DNAH2: variants seen among roughly 807,000 people sequenced by gnomAD.
DNAH2 encodes the protein axonemal beta dynein heavy chain 2.
A neutral mutation model predicts 523.5 loss-of-function variants in DNAH2; 323 were observed. The observed-to-expected ratio is 0.62, with a 90% CI of 0.56 to 0.68. The LOEUF is 0.68. Ranked by LOEUF, DNAH2 falls within the 30% of genes least tolerant of loss-of-function variation. The pLI, the probability that DNAH2 is intolerant of heterozygous loss-of-function variation, is 0.00. For synonymous variants in DNAH2, 2,093 were observed against 2,177.4 expected (o/e 0.96, Z 1.08); for missense variants, 4,907 against 5,701.5 (o/e 0.86, Z 4.49).
Position 7,734,537 on chromosome 17 carries a change from A to C in DNAH2, c.807A>C (p.Gly269=). Residue 269 remains glycine, a synonymous_variant, in exon 7 of 86, where the codon GGA becomes GGC. Transcript: ENST00000572933. ...MLSAQETVET[G]ENLGPLEEIE... ...GTGCCCAGGAGACTGTGGAGACAGG[A>C]GAAAATTTAGGTCCTCTGGAGGAGA... The C allele has an allele frequency of 6.2e-7, 1 of 1,613,792 alleles. No homozygotes were observed.
chr17:7,803,575 C>T (rs931414774), intron 58 of DNAH2, among the ~76,000 whole-genome samples: 5 of 151,886 alleles, frequency 3.3e-5, no homozygotes, highest in African/African-American at 4.8e-5. Flanking sequence ...GAGGCTGAGG[C>T]GGGAGAATCA....
Position 7,792,943 on chromosome 17 carries a change from CAG to C in DNAH2, c.7345-37_7345-36del, listed in dbSNP as rs777893591. ...CTCCTCTCTAAGCCCGTATTTCTCT[CAG>C]GGGACCCACACATTCATTCGGTACC... On this transcript the variant is annotated intron_variant, in intron 47 of 85. Transcript: ENST00000572933. The C allele has an allele frequency of 1.1e-5, 17 of 1,600,836 alleles. No individual in the cohort carries two copies. In the South Asian group the frequency reaches 1.8e-4, roughly 17 times the overall value.
intron 49 of DNAH2, 126 bp downstream of exon 49, chr17:7,794,484 G>A: frequency 1.3e-6 from 1 of 755,418 alleles, no homozygotes; most frequent in Non-Finnish European, 2.0e-6. Flanking sequence ...GCAGGACGCT[G>A]GGACGATCCG....
chr17:7,817,763 C>T (rs1233677216), intron 66 of DNAH2, 27 bp from the exon 67 acceptor site: 3 of 1,614,098 alleles, frequency 1.9e-6, no homozygotes, highest in Non-Finnish European at 2.5e-6. Flanking sequence ...GAGAGGGCCT[C>T]ACCTCTGACC....
intron 3 of DNAH2, among the ~76,000 whole-genome samples, chr17:7,725,387 G>A (rs2074766082): frequency 1.5e-5 from 2 of 137,856 alleles, no homozygotes; most frequent in Non-Finnish European, 1.6e-5. Flanking sequence ...ACTGTGCCTG[G>A]CCTTCTTTGT....
rs2075259193 is a variant in DNAH2 at position 7,739,923 on chromosome 17, A to T, written c.1361A>T (p.His454Leu). The T allele has an allele frequency of 6.2e-7, 1 of 1,613,950 alleles. No homozygotes were observed. Among genetic ancestry groups the T allele is most frequent in the Non-Finnish European group, 8.5e-7 (1 of 1,179,898 alleles). The change falls in exon 9 of 86, where the codon CAT becomes CTT. Residue 454 changes from histidine to leucine, a missense_variant. His to Leu is a moderately conservative substitution (Grantham distance 99). Coordinates refer to ENST00000572933, the MANE Select transcript of DNAH2 (RefSeq NM_020877.5). ...CTGGATGTCAAGAACACCTGTTGGC[A>T]TGAAGACTACAATAAGTGAGGGAAC... ...GILDVKNTCWHEDYNKFRAGI... is the reference protein window; with the variant it reads ...GILDVKNTCWLEDYNKFRAGI...
chr17:7,754,689 C>T lies in DNAH2; in HGVS notation c.1905-2402C>T. The T allele has an allele frequency of 8.0e-7, 1 of 1,251,842 alleles. No individual in the cohort carries two copies. Among genetic ancestry groups the T allele is most frequent in the Non-Finnish European group, 1.2e-6 (1 of 868,674 alleles). The allele number at this position is 1,251,842 out of a possible 1,614,324, so 77.5% of individuals were successfully genotyped here. On this transcript the variant is annotated intron_variant, in intron 12 of 85. Coordinates refer to ENST00000572933, the MANE Select transcript of DNAH2 (RefSeq NM_020877.5). This position sits in a 1 kb window ranked among gnomAD's most constrained non-coding sequence, Gnocchi z 4.6. ...TGATCGACTTGCCTACATTGCCCAC[C>T]CCAACCTTGGGAAGCTTGCTCGTGC...
chr17:7,752,558 A>C (rs2151181226), intron 12 of DNAH2, among the ~76,000 whole-genome samples: 1 of 152,156 alleles, frequency 6.6e-6, no homozygotes, highest in East Asian at 1.9e-4. Flanking sequence ...AAAATACAAA[A>C]AATTAGCGGG....
intron 77 of DNAH2, among the ~76,000 whole-genome samples, chr17:7,827,747 A>AT (rs142087745): frequency 0.42 from 62,822 of 150,476 alleles, 14,161 homozygotes; most frequent in East Asian, 0.84. Context: ...CGCCCAGCCA[A>AT]TTTTTTTTTT....
At chr17:7,791,790 C>A in intron 44 of DNAH2, 127 bp from the exon 45 acceptor site, 1 of 916,804 alleles carries the variant, frequency 1.1e-6, no homozygotes, top group Non-Finnish European at 1.6e-6. Context: ...GAAAACTGTG[C>A]GATTTTCCAA....
chr17:7,723,115 T>G (rs571737611), intron 2 of DNAH2, among the ~76,000 whole-genome samples: 5 of 149,034 alleles, frequency 3.4e-5, no homozygotes, highest in South Asian at 2.1e-4. Context: ...GACTACAGGC[T>G]CCCACCAGCA....
At chr17:7,736,840 G>A (rs1242483702) in intron 7 of DNAH2, among the ~76,000 whole-genome samples, 1 of 152,126 alleles carries the variant, frequency 6.6e-6, no homozygotes, top group Admixed American at 6.6e-5. Context: ...AAATTAGCTG[G>A]GCGTTGTGGT....
intron 49 of DNAH2, among the ~76,000 whole-genome samples, chr17:7,795,309 C>A (rs1428053224): frequency 6.6e-6 from 1 of 152,042 alleles, no homozygotes; most frequent in Non-Finnish European, 1.5e-5. Flanking sequence ...AATCAGTAAT[C>A]CCCATCTGGT....
chr17:7,812,487 G>A (rs1420820837), intron 63 of DNAH2, among the ~76,000 whole-genome samples: 6 of 151,852 alleles, frequency 4.0e-5, no homozygotes, highest in African/African-American at 1.2e-4. Context: ...ACACAGTGGC[G>A]CACACCTGTA....
In DNAH2 at chr17:7,758,990, T is replaced by C; in HGVS notation, c.2314T>C (p.Tyr772His). 6.2e-7 allele frequency: 1 copy of C among 1,614,170 alleles called. No homozygotes were observed. The highest frequency in any genetic ancestry group is 8.5e-7 in the Non-Finnish European group (1 of 1,180,036). ...GGTACGCATTAGTGGCAAACGGGTA[T>C]ACAGGGACCTGGAATTTGAAGAGGA... is the stretch of plus-strand genomic sequence containing the variant. ...LLVRISGKRV[Y>H]RDLEFEEDQR... is the part of the protein sequence containing the mutation. The change falls in exon 15 of 86, where the codon TAC becomes CAC. Residue 772 changes from tyrosine (Y) to histidine (H), a missense_variant. Transcript: ENST00000572933.
At position 7,780,659 on chromosome 17, in the gene DNAH2, C is replaced by T. The variant is rs754363482; in HGVS notation, c.5880C>T (p.Tyr1960=). 1 of 1,614,224 alleles carries T rather than the reference C, an allele frequency of 6.2e-7. No homozygotes were observed. Among genetic ancestry groups the T allele is most frequent in the South Asian group, 1.1e-5 (1 of 91,092 alleles). ...TGGCCAAGAAGGTGTACACACTCTA[C>T]TCACTGGCTGTGCAGCAGCTGTCCA... is the stretch of plus-strand genomic sequence containing the variant. The part of the protein sequence containing the change: ...KILAKKVYTL[Y]SLAVQQLSRQ... Residue 1960 remains tyrosine, a synonymous_variant, in exon 38 of 86, where the codon TAC becomes TAT. Transcript: ENST00000572933. This position sits in a 1 kb window ranked among gnomAD's most constrained non-coding sequence, Gnocchi z 4.4.
intron 35 of DNAH2, among the ~76,000 whole-genome samples, 153 bp from the exon 36 acceptor site, chr17:7,779,090 G>A (rs2076535896): frequency 6.6e-6 from 1 of 152,172 alleles, no homozygotes; most frequent in African/African-American, 2.4e-5. Flanking sequence ...CTGGCCAGAA[G>A]CTACAACAGT....
chr17:7,830,514 C>T (rs1196594779), intron 78 of DNAH2, 23 bp downstream of exon 78: 7 of 1,612,138 alleles, frequency 4.3e-6, no homozygotes, highest in Admixed American at 3.3e-5. Context: ...CAGGGGTCCT[C>T]ATCCCAGCCC....
rs778904123 is a variant in DNAH2, at chr17:7,799,123, C to A, written c.8580C>A (p.Asp2860Glu). Reference sequence around the variant, plus strand: ...TCCAGATCCAGTCGCATATCATAGACCAGGCCCGGGTGGAGCAGGTGCCTG... The same window carrying A: ...TCCAGATCCAGTCGCATATCATAGAACAGGCCCGGGTGGAGCAGGTGCCTG... Reference protein sequence around the residue: ...EFEEIQSHIIDQARVEQVPES... With the variant: ...EFEEIQSHIIEQARVEQVPES... Residue 2860 changes from aspartate to glutamate, a missense_variant, in exon 56 of 86, where the codon GAC becomes GAA. By Grantham distance (45) the Asp-to-Glu change is conservative. Transcript: ENST00000572933. 55 of 1,614,198 alleles carry A rather than the reference C, an allele frequency of 3.4e-5. No homozygotes were observed. The East Asian group carries it at 1.2e-3, about 35-fold the overall frequency.
Sources: gnomAD v4.1 joint callset for allele counts (sites outside exome capture counted in the v4.1 genomes callset) on GRCh38, gnomAD v4.1.1 for gene constraint, Gnocchi (gnomAD v3.1) non-coding constraint, MANE v1.5 for transcripts, NCBI Gene and HGNC (gene_info 2026-07-23, HGNC 2026-07-21) for gene names.